DRC12: variants seen among roughly 807,000 people sequenced by gnomAD.
DRC12 encodes dynein regulatory complex subunit 12 homolog.
the DRC12 span, chr11:119,194,999 G>A: frequency 6.5e-7 from 1 of 1,550,266 alleles, no homozygotes; most frequent in Non-Finnish European, 8.7e-7. Context: ...CTGCACCTGC[G>A]GTGGCAAGTG....
At chr11:119,193,298 G>T in the DRC12 span, 3 of 1,446,028 alleles carry the variant, frequency 2.1e-6, no homozygotes, top group Non-Finnish European at 2.9e-6. Context: ...GAGGGATGGA[G>T]AAAGGAAATG....
the DRC12 span, among the ~76,000 whole-genome samples, chr11:119,191,341 G>A: frequency 2.0e-5 from 3 of 151,282 alleles, no homozygotes; most frequent in Non-Finnish European, 4.4e-5. Context: ...CTTGTGATCC[G>A]CCCGCCTCGG....
chr11:119,194,712 C>A, the DRC12 span, among the ~76,000 whole-genome samples: 60 of 150,614 alleles, frequency 4.0e-4, no homozygotes, highest in Admixed American at 9.4e-4. Context: ...GTCAAAAAAA[C>A]CAAAAAAAAC....
the DRC12 span, chr11:119,190,854 G>A: frequency 1.2e-6 from 2 of 1,608,226 alleles, no homozygotes; most frequent in Non-Finnish European, 1.7e-6. This position sits in a 1 kb window ranked among gnomAD's most constrained non-coding sequence, Gnocchi z 4.2. Flanking sequence ...GGGGCAGGCA[G>A]GATGAAAGAG....
At chr11:119,193,394 T>C in the DRC12 span, 1 of 831,662 alleles carries the variant, frequency 1.2e-6, no homozygotes, top group East Asian at 2.7e-5. Context: ...TCTGAGAAGC[T>C]GCAGACCATG....
the DRC12 span, chr11:119,195,538 C>A: frequency 7.1e-7 from 1 of 1,410,038 alleles, no homozygotes; most frequent in Non-Finnish European, 9.8e-7. Context: ...GGTCTGGACA[C>A]AGGGATGCTT....
the DRC12 span, chr11:119,194,024 G>T: frequency 1.2e-6 from 1 of 848,692 alleles, no homozygotes. Context: ...GGGTTTTGTT[G>T]TTTTTGTTTT....
the DRC12 span, among the ~76,000 whole-genome samples, chr11:119,192,819 A>G: frequency 4.6e-5 from 7 of 151,908 alleles, no homozygotes. Context: ...GCTAATTTTT[A>G]TATTTTTAGT....
the DRC12 span, chr11:119,193,141 G>T: frequency 6.2e-7 from 1 of 1,613,178 alleles, no homozygotes; most frequent in Non-Finnish European, 8.5e-7. Context: ...TGGAGGGTGG[G>T]GAAACCTACC....
chr11:119,194,480 C>T, the DRC12 span, among the ~76,000 whole-genome samples: 2 of 136,108 alleles, frequency 1.5e-5, no homozygotes, highest in African/African-American at 2.8e-5. Flanking sequence ...CACCACTGCA[C>T]TCCAGCCTGG....
At chr11:119,190,657 C>A in the DRC12 span, 2 of 1,588,446 alleles carry the variant, frequency 1.3e-6, no homozygotes, top group Non-Finnish European at 8.6e-7. This position sits in a 1 kb window ranked among gnomAD's most constrained non-coding sequence, Gnocchi z 4.2. Flanking sequence ...GGTTTGTGGG[C>A]ATGGGGGAGT....
chr11:119,194,185 G>C, the DRC12 span, among the ~76,000 whole-genome samples: 1 of 152,050 alleles, frequency 6.6e-6, no homozygotes, highest in Non-Finnish European at 1.5e-5. Context: ...AGGAGTTTGA[G>C]ACCTGCCTGG....
At chr11:119,195,310 CAA>C in the DRC12 span, 1 of 981,816 alleles carries the variant, frequency 1.0e-6, no homozygotes, top group Non-Finnish European at 1.5e-6. Flanking sequence ...AGAGGTAGGT[CAA>C]GAGAGCTCCA....
the DRC12 span, chr11:119,190,317 G>T: frequency 6.2e-7 from 1 of 1,614,166 alleles, no homozygotes; most frequent in Non-Finnish European, 8.5e-7. This position sits in a 1 kb window ranked among gnomAD's most constrained non-coding sequence, Gnocchi z 4.2. Flanking sequence ...CTAGGGGCTG[G>T]TGGCCTCAAA....
chr11:119,190,482 AAG>A, the DRC12 span: 43 of 1,613,050 alleles, frequency 2.7e-5, no homozygotes, highest in African/African-American at 5.3e-4. This position sits in a 1 kb window ranked among gnomAD's most constrained non-coding sequence, Gnocchi z 4.2. Context: ...AGACCCCAGA[AAG>A]AGAGAGAGGG....
At chr11:119,193,676 C>A in the DRC12 span, 1 of 1,518,540 alleles carries the variant, frequency 6.6e-7, no homozygotes, top group Non-Finnish European at 8.9e-7. Flanking sequence ...CGGAAGCCCT[C>A]CTTGTTTCCC....
the DRC12 span, chr11:119,195,789 C>A: frequency 3.3e-6 from 1 of 298,626 alleles, no homozygotes. Context: ...CCTCAACCCT[C>A]ACTTCCTACC....
At chr11:119,195,627 A>C in the DRC12 span, 1 of 675,452 alleles carries the variant, frequency 1.5e-6, no homozygotes, top group African/African-American at 1.8e-5. Flanking sequence ...GTCAGTTCAC[A>C]GTCTCTTTGG....
the DRC12 span, among the ~76,000 whole-genome samples, chr11:119,191,350 G>A: frequency 0.037 from 5,605 of 151,478 alleles, 356 homozygotes; most frequent in African/African-American, 0.12. Flanking sequence ...CGCCCGCCTC[G>A]GCCTCCCAAA....
Sources: allele counts gnomAD v4.1 joint callset (sites outside exome capture counted in the v4.1 genomes callset), GRCh38; gene constraint gnomAD v4.1.1; non-coding constraint Gnocchi (gnomAD v3.1); transcripts MANE v1.5; gene names NCBI Gene and HGNC (gene_info 2026-07-23, HGNC 2026-07-21).